The following GSE1 variants were observed in gnomAD, a reference collection of about 807,000 sequenced individuals.
GSE1 encodes the protein Gse1 coiled-coil protein.
A neutral mutation model predicts 112.6 loss-of-function variants in GSE1; 32 were observed. The observed-to-expected ratio is 0.28, with a 90% CI of 0.21 to 0.38. The LOEUF is 0.38. Ranked by LOEUF, GSE1 falls within the 10% of genes least tolerant of loss-of-function variation. The pLI is 1.00. For synonymous variants in GSE1, 1,115 were observed against 735.6 expected (o/e 1.52, Z -8.35); for missense variants, 2,348 against 1,699.2 (o/e 1.38, Z -6.71).
intron 2 of GSE1, among the ~76,000 whole-genome samples, chr16:85,501,527 G>C (rs71389134): frequency 6.6e-6 from 1 of 151,822 alleles, no homozygotes; most frequent in South Asian, 2.1e-4. Flanking sequence ...AAATAGCTGA[G>C]ACTACAGGCG....
chr16:85,630,650 T>C (rs527502517), intron 1 of GSE1, among the ~76,000 whole-genome samples: 1 of 152,328 alleles, frequency 6.6e-6, no homozygotes, highest in African/African-American at 2.4e-5. Flanking sequence ...CAACGTATCT[T>C]AGCTGTGTGT....
intron 1 of GSE1, among the ~76,000 whole-genome samples, chr16:85,225,275 C>G (rs1415950414): frequency 1.3e-5 from 2 of 152,150 alleles, no homozygotes; most frequent in Admixed American, 1.3e-4. Flanking sequence ...CCCATAGATT[C>G]TGTGGTTGGG....
intron 1 of GSE1, among the ~76,000 whole-genome samples, chr16:85,190,111 C>T (rs1409682783): frequency 1.3e-5 from 2 of 152,184 alleles, no homozygotes; most frequent in Non-Finnish European, 1.5e-5. Context: ...GGGCACACTT[C>T]CCAAGCCTGA....
chr16:85,572,242 C>G (rs1342562205), intron 1 of GSE1, among the ~76,000 whole-genome samples: 1 of 148,034 alleles, frequency 6.8e-6, no homozygotes, highest in Non-Finnish European at 1.5e-5. Flanking sequence ...GTACAAAACA[C>G]ACCACACCAC....
At chr16:85,274,746 A>C (rs1187035346) in intron 1 of GSE1, among the ~76,000 whole-genome samples, 1 of 152,232 alleles carries the variant, frequency 6.6e-6, no homozygotes, top group Non-Finnish European at 1.5e-5. Context: ...CTGACCACTG[A>C]GGCTGCTTCC....
intron 2 of GSE1, among the ~76,000 whole-genome samples, chr16:85,471,278 T>C (rs1248285643): frequency 6.6e-6 from 1 of 152,214 alleles, no homozygotes; most frequent in African/African-American, 2.4e-5. Flanking sequence ...CCAGTCCCAA[T>C]GCCACCTTAT....
chr16:85,640,236 C>T (rs1478260627), intron 2 of GSE1, among the ~76,000 whole-genome samples: 1 of 151,744 alleles, frequency 6.6e-6, no homozygotes, highest in Non-Finnish European at 1.5e-5. Context: ...CATGGCTTCC[C>T]TGCCCACACT....
chr16:85,244,138 G>C (rs1905393552), intron 1 of GSE1, among the ~76,000 whole-genome samples: 1 of 152,156 alleles, frequency 6.6e-6, no homozygotes, highest in Non-Finnish European at 1.5e-5. Context: ...AAAAAAAAGT[G>C]GGGGGCATTA....
chr16:85,498,262 C>G (rs114625674), intron 2 of GSE1, among the ~76,000 whole-genome samples: 34 of 152,264 alleles, frequency 2.2e-4, no homozygotes, highest in African/African-American at 7.5e-4. Context: ...AGTGAGTCCC[C>G]TTCCCCACCA....
At chr16:85,308,898 A>T (rs926126448) in intron 1 of GSE1, among the ~76,000 whole-genome samples, 2 of 146,974 alleles carry the variant, frequency 1.4e-5, no homozygotes, top group Non-Finnish European at 3.0e-5. Flanking sequence ...ATGACGTGAC[A>T]GCGACAAGCC....
intron 1 of GSE1, among the ~76,000 whole-genome samples, chr16:85,216,149 C>T (rs1470877478): frequency 6.6e-6 from 1 of 152,254 alleles, no homozygotes; most frequent in East Asian, 1.9e-4. Context: ...CTCGTTCTTC[C>T]ACCATCATTC....
chr16:85,229,282 C>G (rs369559522), intron 1 of GSE1, among the ~76,000 whole-genome samples: 1 of 152,218 alleles, frequency 6.6e-6, no homozygotes, highest in Admixed American at 6.5e-5. Flanking sequence ...AGCGGCAGGC[C>G]GGAGCCAGCT....
In GSE1 at chr16:85,655,729, G is replaced by A; in HGVS notation, c.801G>A (p.Met267Ile). ...PHPFPHPAFR[M>I]DDSYCLSALR... is the part of the protein sequence containing the mutation. Reference sequence around the variant, plus strand: ...CAGCCCCGTCTTCTCTGCACAGGATGGACGACTCCTACTGCCTGTCTGCCC... The same window carrying A: ...CAGCCCCGTCTTCTCTGCACAGGATAGACGACTCCTACTGCCTGTCTGCCC... Residue 267 changes from methionine (M) to isoleucine (I), a missense_variant, in exon 6 of 16, where the codon ATG becomes ATA. Coordinates refer to ENST00000253458, the MANE Select transcript of GSE1 (RefSeq NM_014615.5). 1 of 1,599,498 alleles carries A rather than the reference G, an allele frequency of 6.3e-7. No homozygotes were observed. Among genetic ancestry groups the A allele is most frequent in the Non-Finnish European group, 8.5e-7 (1 of 1,172,562 alleles).
chr16:85,179,498 T>C (rs2074537935), intron 1 of GSE1, among the ~76,000 whole-genome samples: 1 of 152,176 alleles, frequency 6.6e-6, no homozygotes, highest in Non-Finnish European at 1.5e-5. Flanking sequence ...TTCATTTCTC[T>C]TGAGTGTGCG....
intron 2 of GSE1, among the ~76,000 whole-genome samples, chr16:85,467,818 A>C (rs1271868896): frequency 2.0e-5 from 3 of 152,238 alleles, no homozygotes; most frequent in African/African-American, 7.2e-5. Context: ...GGACTGCCAC[A>C]TACCTGCTAG....
intron 2 of GSE1, among the ~76,000 whole-genome samples, chr16:85,478,961 TTC>T (rs2050585327): frequency 5.9e-5 from 4 of 67,846 alleles, no homozygotes; most frequent in African/African-American, 9.4e-5. Flanking sequence ...TTTTCTTTCT[TTC>T]TTTCCTTCCT....
chr16:85,171,674 G>C lies in GSE1; in HGVS notation c.2150G>C (p.Ser717Thr), dbSNP rs760748798. 1.0e-5 allele frequency: 10 copies of C among 985,694 alleles called. No homozygotes were observed. In the East Asian group the frequency reaches 1.0e-3, roughly 101 times the overall value. 61.1% of individuals were successfully genotyped at this position (985,694 alleles called of 1,614,324 possible). A position where few individuals can be genotyped will look rare whatever the true frequency, so the allele number is the denominator to read the frequency against. ...CTATACACCCTGCGAGCAAGCCACA[G>C]CCTGTTGGTGGATGACGGACAGCAG... The change falls in exon 1 of 3, where the codon AGC becomes ACC. Residue 717 changes from serine (S) to threonine (T), a missense_variant. Transcript: ENST00000637419.
intron 1 of GSE1, among the ~76,000 whole-genome samples, chr16:85,556,565 CCCA>C (rs1321923616): frequency 6.6e-6 from 1 of 151,490 alleles, no homozygotes; most frequent in African/African-American, 2.4e-5. Context: ...GCGGGGAGCG[CCCA>C]CCTGGCCCGC....
Position 85,663,063 on chromosome 16 carries a change from G to A in GSE1, c.2343G>A (p.Gln781=), listed in dbSNP as rs2151967758. ...VRAHLRCVAE[Q]PPLKLDTSSE... is the part of the protein sequence containing the mutation. ...CCCACCTCCGTTGCGTGGCCGAGCA[G>A]CCGCCCCTCAAACTGGACACGTCCT... The change falls in exon 10 of 16, where the codon CAG becomes CAA. Residue 781 remains glutamine (Q), a synonymous_variant. Coordinates refer to ENST00000253458, the MANE Select transcript of GSE1 (RefSeq NM_014615.5). 1 of 1,612,132 alleles carries A rather than the reference G, an allele frequency of 6.2e-7. No individual in the cohort carries two copies. The highest frequency in any genetic ancestry group is 8.5e-7 in the Non-Finnish European group (1 of 1,179,084).
Sources: gnomAD v4.1 joint callset for allele counts (sites outside exome capture counted in the v4.1 genomes callset) on GRCh38, gnomAD v4.1.1 for gene constraint, MANE v1.5 for transcripts, NCBI Gene and HGNC (gene_info 2026-07-23, HGNC 2026-07-21) for gene names.